The following ERI1 variants were observed in gnomAD, a reference collection of about 807,000 sequenced individuals.
ERI1 encodes exoribonuclease 1.
A neutral mutation model predicts 39.7 loss-of-function variants in ERI1; 39 were observed. The observed-to-expected ratio is 0.98, with a 90% CI of 0.76 to 1.28. ERI1 has a LOEUF of 1.28. Among genes scored for constraint, ERI1 ranks in the 50% most tolerant of loss-of-function variants. The pLI is 0.00. For missense variants in ERI1, 581 were observed against 416.9 expected, an observed-to-expected ratio of 1.39 and a Z score of -3.43; for synonymous variants, 204 against 149.6, an observed-to-expected ratio of 1.36 and a Z score of -2.65.
In ERI1 at chr8:9,030,073, T is replaced by A. The variant is rs1259430135; in HGVS notation, c.*39T>A. The A allele has an allele frequency of 4.4e-6, 7 of 1,605,026 alleles. No individual in the cohort carries two copies. The highest frequency in any genetic ancestry group is 1.3e-5 in the African/African-American group (1 of 74,670). Reference sequence around the variant, plus strand: ...TGTGGATCATTCCAATTGAAGTTGCTATGAAGAGGTAGCAGATGAATCTCA... The same window carrying A: ...TGTGGATCATTCCAATTGAAGTTGCAATGAAGAGGTAGCAGATGAATCTCA... On this transcript the variant is annotated 3_prime_UTR_variant, in exon 7 of 7. Coordinates refer to ENST00000250263, the MANE Select transcript of ERI1 (RefSeq NM_153332.4).
intron 3 of ERI1, among the ~76,000 whole-genome samples, chr8:9,087,450 A>T: frequency 7.7e-6 from 1 of 129,602 alleles, no homozygotes. Flanking sequence ...TTTAGTAGAG[A>T]CAGGGTTTCA....
chr8:9,011,676 A>C lies in ERI1; in HGVS notation c.422A>C (p.Glu141Ala). ...ATTGACTTTGAAGCCACTTGTGAAG[A>C]AGGAAACCCACCTGAGTTTGTACAT... Reference protein sequence around the residue: ...CIIDFEATCEEGNPPEFVHEI... With the variant: ...CIIDFEATCEAGNPPEFVHEI... Residue 141 changes from glutamate to alanine, a missense_variant, in exon 3 of 7, where the codon GAA becomes GCA. Coordinates refer to ENST00000250263, the MANE Select transcript of ERI1 (RefSeq NM_153332.4). The C allele has an allele frequency of 6.2e-7, 1 of 1,613,710 alleles. No individual in the cohort carries two copies. The highest frequency in any genetic ancestry group is 1.1e-5 in the South Asian group (1 of 91,050).
At chr8:9,088,237 C>G (rs1415723658) in intron 3 of ERI1, among the ~76,000 whole-genome samples, 1 of 151,192 alleles carries the variant, frequency 6.6e-6, no homozygotes, top group Non-Finnish European at 1.5e-5. Flanking sequence ...CCAGTGCATG[C>G]ATTTGTTCTG....
chr8:9,013,986 C>T (rs1162426820), intron 3 of ERI1, among the ~76,000 whole-genome samples: 1 of 152,190 alleles, frequency 6.6e-6, no homozygotes, highest in Non-Finnish European at 1.5e-5. Flanking sequence ...CTGTGTCCGC[C>T]TACAACCAGT....
At chr8:9,022,197 G>T (rs1249589468) in intron 6 of ERI1, among the ~76,000 whole-genome samples, 1 of 151,956 alleles carries the variant, frequency 6.6e-6, no homozygotes, top group Non-Finnish European at 1.5e-5. Flanking sequence ...AAATCTGACG[G>T]GTGTGTGATA....
At chr8:9,061,494 G>T (rs1374341066) in intron 3 of ERI1, among the ~76,000 whole-genome samples, 6 of 152,246 alleles carry the variant, frequency 3.9e-5, no homozygotes, top group South Asian at 4.1e-4. Context: ...GATTTTAAAG[G>T]TCTCTGAAAG....
At chr8:9,040,227 T>C (rs1453258734) in intron 3 of ERI1, among the ~76,000 whole-genome samples, 1 of 152,238 alleles carries the variant, frequency 6.6e-6, no homozygotes, top group East Asian at 2.0e-4. Context: ...ATTTGTTCAA[T>C]AAAAATCATT....
chr8:9,039,147 C>A (rs1265808248), intron 3 of ERI1, among the ~76,000 whole-genome samples: 1 of 152,180 alleles, frequency 6.6e-6, no homozygotes, highest in Admixed American at 6.5e-5. Context: ...ATTCATTATA[C>A]CTGTTACTCT....
At chr8:9,076,722 T>C (rs1030241197) in intron 3 of ERI1, among the ~76,000 whole-genome samples, 1 of 152,212 alleles carries the variant, frequency 6.6e-6, no homozygotes, top group Non-Finnish European at 1.5e-5. Flanking sequence ...GAGAAATGGC[T>C]GAAAAACTGG....
intron 2 of ERI1, chr8:9,009,219 A>G (rs1816408157): frequency 2.8e-6 from 1 of 356,546 alleles, no homozygotes; most frequent in Admixed American, 3.8e-5. Context: ...AGGTAAATAC[A>G]GATATGTTCC....
At chr8:9,017,190 C>A (rs1397878041) in intron 4 of ERI1, among the ~76,000 whole-genome samples, 1 of 152,126 alleles carries the variant, frequency 6.6e-6, no homozygotes, top group Non-Finnish European at 1.5e-5. Flanking sequence ...TAGGCACACA[C>A]CACGATGATT....
chr8:9,084,954 C>T (rs1045358341), intron 3 of ERI1, among the ~76,000 whole-genome samples: 1 of 152,182 alleles, frequency 6.6e-6, no homozygotes, highest in Admixed American at 6.5e-5. Flanking sequence ...TTATAGCAGT[C>T]GTTTCCAAAA....
intron 3 of ERI1, chr8:9,072,536 A>C (rs1585284002): frequency 6.6e-6 from 1 of 151,974 alleles, no homozygotes. Context: ...ACGTTTAATC[A>C]CCTCAAGAAG....
chr8:9,008,740 C>T (rs954448554), intron 2 of ERI1, among the ~76,000 whole-genome samples: 14 of 152,164 alleles, frequency 9.2e-5, no homozygotes, highest in African/African-American at 3.4e-4. Context: ...ACTTTACGTT[C>T]ATTGGGCCAT....
chr8:9,035,722 A>G (rs991165473), downstream of ERI1, among the ~76,000 whole-genome samples: 1 of 152,228 alleles, frequency 6.6e-6, no homozygotes, highest in South Asian at 2.1e-4. Context: ...CTGGCTTTCA[A>G]GTCTTACTAT....
downstream of ERI1, among the ~76,000 whole-genome samples, chr8:9,037,564 C>G (rs1266286777): frequency 4.6e-5 from 7 of 151,156 alleles, no homozygotes; most frequent in Admixed American, 4.6e-4. Context: ...TTACTTGTAT[C>G]TCAAGAACCT....
chr8:9,013,504 C>T (rs547963143), intron 3 of ERI1, among the ~76,000 whole-genome samples: 1 of 152,016 alleles, frequency 6.6e-6, no homozygotes, highest in Admixed American at 6.6e-5. Flanking sequence ...TCAGATGACC[C>T]AGGTCTCAAT....
chr8:9,023,642 A>G (rs556762941), intron 6 of ERI1, among the ~76,000 whole-genome samples: 3 of 152,132 alleles, frequency 2.0e-5, no homozygotes, highest in East Asian at 3.9e-4. Context: ...AATTAGTTGT[A>G]TAAGTAGAAG....
chr8:9,078,491 T>C (rs1264213108), intron 3 of ERI1, among the ~76,000 whole-genome samples: 2 of 152,100 alleles, frequency 1.3e-5, no homozygotes, highest in Non-Finnish European at 2.9e-5. Flanking sequence ...CAAACTCAAG[T>C]TTTTTAACCC....
Sources: allele counts gnomAD v4.1 joint callset (sites outside exome capture counted in the v4.1 genomes callset), GRCh38; gene constraint gnomAD v4.1.1; transcripts MANE v1.5; gene names NCBI Gene and HGNC (gene_info 2026-07-23, HGNC 2026-07-21).